USP34: variants seen among roughly 807,000 people sequenced by gnomAD.
USP34 encodes ubiquitin carboxyl-terminal hydrolase 34.
USP34 carries 70 observed loss-of-function variants against 460.3 expected under a neutral mutation model. The observed-to-expected ratio is 0.15, with a 90% CI of 0.13 to 0.19. The LOEUF (loss-of-function observed/expected upper bound fraction) is 0.19. Ranked by LOEUF, USP34 falls within the 10% of genes least tolerant of loss-of-function variation. The pLI, the probability that USP34 is intolerant of heterozygous loss-of-function variation, is 1.00. For missense variants in USP34, 3,985 were observed against 4,236.2 expected, an observed-to-expected ratio of 0.94 and a Z score of 1.65; for synonymous variants, 1,647 against 1,405.3, an observed-to-expected ratio of 1.17 and a Z score of -3.85.
chr2:61,270,539 G>C (rs1236686252), intron 41 of USP34, among the ~76,000 whole-genome samples: 3 of 152,196 alleles, frequency 2.0e-5, no homozygotes, highest in Non-Finnish European at 4.4e-5. Flanking sequence ...TGGTTCAAGG[G>C]ATTCTCGTGC....
intron 1 of USP34, among the ~76,000 whole-genome samples, chr2:61,433,533 C>G (rs1250237788): frequency 6.6e-6 from 1 of 152,076 alleles, no homozygotes; most frequent in Non-Finnish European, 1.5e-5. Context: ...ACTGAGGAGG[C>G]TGAGGCAGGA....
At chr2:61,192,753 C>T (rs1216995262) in intron 76 of USP34, 148 bp downstream of exon 76, 1 of 557,832 alleles carries the variant, frequency 1.8e-6, no homozygotes, top group African/African-American at 1.9e-5. Context: ...TATGTAATAG[C>T]TAGTATTTTC....
intron 43 of USP34, among the ~76,000 whole-genome samples, chr2:61,263,173 A>ATTTTTTT (rs36015748): frequency 6.1e-5 from 6 of 97,764 alleles, no homozygotes; most frequent in Admixed American, 2.4e-4. Flanking sequence ...CACACATGGA[A>ATTTTTTT]TTTTTTTTTT....
intron 62 of USP34, among the ~76,000 whole-genome samples, chr2:61,226,086 C>A (rs1325981845): frequency 6.6e-6 from 1 of 152,188 alleles, no homozygotes; most frequent in Non-Finnish European, 1.5e-5. Context: ...CTCATCCTCC[C>A]AAGTAGTTGG....
chr2:61,197,243 C>T (rs1216399825), intron 75 of USP34, among the ~76,000 whole-genome samples: 1 of 152,164 alleles, frequency 6.6e-6, no homozygotes, highest in Non-Finnish European at 1.5e-5. Context: ...TGTACTCCAG[C>T]CTGGGGGACA....
chr2:61,269,848 G>A (rs1335099400), intron 41 of USP34, among the ~76,000 whole-genome samples: 1 of 152,008 alleles, frequency 6.6e-6, no homozygotes, highest in Non-Finnish European at 1.5e-5. Flanking sequence ...TAAATACAAT[G>A]TGTAATGATG....
chr2:61,445,585 CAA>C (rs933794727), intron 1 of USP34, among the ~76,000 whole-genome samples: 2 of 149,286 alleles, frequency 1.3e-5, no homozygotes, highest in Admixed American at 6.7e-5. Flanking sequence ...GGATGAAAGC[CAA>C]GAGACACAAA....
chr2:61,365,507 G>C (rs187748662), intron 10 of USP34, among the ~76,000 whole-genome samples: 1 of 151,942 alleles, frequency 6.6e-6, no homozygotes, highest in South Asian at 2.1e-4. Context: ...AAACAAAAGA[G>C]ACATTTCAAG....
At chr2:61,445,178 C>A (rs2694624) in intron 1 of USP34, among the ~76,000 whole-genome samples, 88,292 of 136,368 alleles carry the variant, frequency 0.65, 27,615 homozygotes, top group Middle Eastern at 0.7. Flanking sequence ...CACACACACA[C>A]AAAAAAATGC....
intron 43 of USP34, among the ~76,000 whole-genome samples, chr2:61,262,309 T>C (rs1435977620): frequency 4.0e-5 from 6 of 151,774 alleles, no homozygotes; most frequent in East Asian, 1.9e-4. Flanking sequence ...ATAGTACCAA[T>C]AGGTAGTTTT....
chr2:61,265,710 T>C, intron 42 of USP34, 153 bp from the exon 43 acceptor site: 1 of 736,606 alleles, frequency 1.4e-6, no homozygotes, highest in Non-Finnish European at 1.9e-6. Flanking sequence ...AAAATACAGA[T>C]GAAAACTAAT....
At chr2:61,411,642 C>G (rs1307188860) in intron 2 of USP34, among the ~76,000 whole-genome samples, 1 of 152,118 alleles carries the variant, frequency 6.6e-6, no homozygotes, top group Non-Finnish European at 1.5e-5. Flanking sequence ...CCCATGATTT[C>G]TGTCCTTCTA....
At chr2:61,379,336 C>G (rs141689016) in intron 7 of USP34, among the ~76,000 whole-genome samples, 6 of 152,020 alleles carry the variant, frequency 3.9e-5, no homozygotes, top group Non-Finnish European at 8.8e-5. Flanking sequence ...CTGGCCAACA[C>G]GGTAAAAACC....
At chr2:61,191,557 T>A (rs1478456976) in intron 76 of USP34, among the ~76,000 whole-genome samples, 1 of 152,180 alleles carries the variant, frequency 6.6e-6, no homozygotes, top group Non-Finnish European at 1.5e-5. Context: ...AGTCACAGCC[T>A]GTGCCTCTGC....
intron 68 of USP34, among the ~76,000 whole-genome samples, chr2:61,212,498 A>G (rs887241789): frequency 6.6e-6 from 1 of 152,362 alleles, no homozygotes; most frequent in East Asian, 1.9e-4. Context: ...TTGTTCCAAC[A>G]TTTAAAATGC....
At chr2:61,397,840 A>G (rs1693583096) in intron 3 of USP34, among the ~76,000 whole-genome samples, 1 of 152,012 alleles carries the variant, frequency 6.6e-6, no homozygotes, top group Non-Finnish European at 1.5e-5. Context: ...CGGAGGCTGC[A>G]GTGAGCTGAG....
intron 1 of USP34, among the ~76,000 whole-genome samples, chr2:61,467,315 A>T (rs969726007): frequency 6.6e-6 from 1 of 151,982 alleles, no homozygotes; most frequent in Non-Finnish European, 1.5e-5. Flanking sequence ...AATAAAAAAT[A>T]AAAAAATAAT....
Position 61,214,447 on chromosome 2 carries a change from G to A in USP34, c.8295C>T (p.Ser2765=), listed in dbSNP as rs763795944. The change falls in exon 68 of 80, where the codon TCC becomes TCT. Residue 2765 remains serine, a synonymous_variant. Coordinates refer to ENST00000398571, the MANE Select transcript of USP34 (RefSeq NM_014709.4). ...YFSFMTYCLI[S]KTEKLMFSTY... is the part of the protein sequence containing the mutation. Reference sequence around the variant, plus strand: ...TGGAAAACATCAGCTTCTCAGTTTTGGAAATTAAACAGTAAGTCATAAAGC... The same window carrying A: ...TGGAAAACATCAGCTTCTCAGTTTTAGAAATTAAACAGTAAGTCATAAAGC... 6.2e-7 allele frequency: 1 copy of A among 1,614,138 alleles called. No individual in the cohort carries two copies. The highest frequency in any genetic ancestry group is 1.1e-5 in the South Asian group (1 of 91,068).
chr2:61,356,205 A>C (rs1021677828), intron 10 of USP34, among the ~76,000 whole-genome samples: 1 of 151,794 alleles, frequency 6.6e-6, no homozygotes, highest in Non-Finnish European at 1.5e-5. Flanking sequence ...AAAGTGCTAC[A>C]GGCCAGGCAC....
Sources: gnomAD v4.1 joint callset for allele counts (sites outside exome capture counted in the v4.1 genomes callset) on GRCh38, gnomAD v4.1.1 for gene constraint, MANE v1.5 for transcripts, NCBI Gene and HGNC (gene_info 2026-07-23, HGNC 2026-07-21) for gene names.